The following GPATCH8 variants were observed in gnomAD, a reference collection of about 807,000 sequenced individuals.
The protein encoded by GPATCH8 is G patch domain-containing protein 8.
Under a neutral mutation model 118.3 loss-of-function variants are expected in GPATCH8, and 18 were observed. The ratio of observed to expected loss-of-function variants is 0.15; its 90% CI spans 0.11 to 0.23. The LOEUF is 0.23. Among genes scored for constraint, GPATCH8 ranks in the 10% least tolerant of loss-of-function variants. GPATCH8 has a pLI of 1.00. For missense variants in GPATCH8, 1,631 were observed against 1,873.8 expected, an observed-to-expected ratio of 0.87 and a Z score of 2.39; for synonymous variants, 659 against 684.7, an observed-to-expected ratio of 0.96 and a Z score of 0.59.
chr17:44,401,560 G>T, intron 7 of GPATCH8, 107 bp from the exon 8 acceptor site: 1 of 796,580 alleles, frequency 1.3e-6, no homozygotes. Flanking sequence ...ATTATAGGTA[G>T]GTCTCAAAGA....
chr17:44,477,674 G>C (rs1317560429), intron 1 of GPATCH8, among the ~76,000 whole-genome samples: 1 of 151,160 alleles, frequency 6.6e-6, no homozygotes, highest in Non-Finnish European at 1.5e-5. Context: ...AAATGGAATA[G>C]CAAGGGACAG....
At chr17:44,410,806 T>C (rs1376418334) in intron 6 of GPATCH8, among the ~76,000 whole-genome samples, 5 of 152,090 alleles carry the variant, frequency 3.3e-5, no homozygotes, top group Non-Finnish European at 7.4e-5. Flanking sequence ...GGGATTTCCA[T>C]TACACCTTCC....
At chr17:44,490,109 G>A (rs1969126816) in intron 1 of GPATCH8, among the ~76,000 whole-genome samples, 1 of 152,102 alleles carries the variant, frequency 6.6e-6, no homozygotes, top group East Asian at 1.9e-4. Flanking sequence ...ACCAGCTGGG[G>A]AAACACAGGG....
intron 1 of GPATCH8, among the ~76,000 whole-genome samples, chr17:44,488,607 G>A (rs1429074509): frequency 1.3e-5 from 2 of 149,122 alleles, no homozygotes; most frequent in Non-Finnish European, 3.0e-5. Context: ...CTGACCTCAG[G>A]TGATCTGCCT....
Position 44,400,717 on chromosome 17 carries a change from C to T in GPATCH8, c.1360G>A (p.Ala454Thr), listed in dbSNP as rs766497720. 3.1e-6 allele frequency: 5 copies of T among 1,612,066 alleles called. No individual in the cohort carries two copies. The highest frequency in any genetic ancestry group is 1.7e-5 in the Admixed American group (1 of 59,700). Residue 454 changes from alanine (A) to threonine (T), a missense_variant, in exon 8 of 8, where the codon GCA becomes ACA. Physicochemically the swap from Ala to Thr is moderately conservative, Grantham distance 58. Coordinates refer to ENST00000591680, the MANE Select transcript of GPATCH8 (RefSeq NM_001002909.4). ...GAGACTTCACTAACTGTCTTTTCTG[C>T]TCCTTGGCTTGCTGCCGCCTTGATG... The part of the protein sequence containing the change: ...SCIKAAASQG[A>T]EKTVSEVSEQ...
intron 6 of GPATCH8, among the ~76,000 whole-genome samples, chr17:44,422,896 C>G (rs2143886732): frequency 6.6e-6 from 1 of 152,232 alleles, no homozygotes; most frequent in African/African-American, 2.4e-5. Context: ...AAAAAAGTAA[C>G]TGCCAATACA....
chr17:44,459,665 A>G (rs2051470545), intron 3 of GPATCH8, among the ~76,000 whole-genome samples: 1 of 152,164 alleles, frequency 6.6e-6, no homozygotes, highest in Non-Finnish European at 1.5e-5. Context: ...TTAAGTATGA[A>G]AGGAGTGCAC....
chr17:44,447,542 A>C (rs569830017), intron 3 of GPATCH8, among the ~76,000 whole-genome samples: 53 of 152,224 alleles, frequency 3.5e-4, no homozygotes, highest in Non-Finnish European at 5.9e-4. Flanking sequence ...GATAATAGCT[A>C]GACACTTGTG....
intron 3 of GPATCH8, among the ~76,000 whole-genome samples, chr17:44,453,175 C>A (rs1440052718): frequency 1.3e-5 from 2 of 152,158 alleles, no homozygotes; most frequent in Non-Finnish European, 2.9e-5. Context: ...CTGCTCTGAT[C>A]AAGGTGTCTT....
intron 2 of GPATCH8, among the ~76,000 whole-genome samples, chr17:44,471,501 T>TA (rs1267956080): frequency 2.6e-5 from 4 of 150,964 alleles, no homozygotes; most frequent in Non-Finnish European, 3.0e-5. Context: ...TACCTTTGGT[T>TA]AAAAAAAAAT....
intron 6 of GPATCH8, among the ~76,000 whole-genome samples, chr17:44,413,633 A>G (rs2049535235): frequency 6.6e-6 from 1 of 151,928 alleles, no homozygotes; most frequent in East Asian, 1.9e-4. Context: ...GTGCCACCAC[A>G]CCGGGCTAAT....
At chr17:44,478,667 A>G (rs1327048213) in intron 1 of GPATCH8, among the ~76,000 whole-genome samples, 1 of 150,826 alleles carries the variant, frequency 6.6e-6, no homozygotes, top group Non-Finnish European at 1.5e-5. Flanking sequence ...TCTCAAAAAC[A>G]AAAAAAAACA....
intron 3 of GPATCH8, 25 bp from the exon 4 acceptor site, chr17:44,436,570 G>T: frequency 8.2e-7 from 1 of 1,215,716 alleles, no homozygotes; most frequent in Non-Finnish European, 1.2e-6. Context: ...CATAATCAAG[G>T]TAAGGTGCAA....
chr17:44,415,340 C>CT (rs1393485938), intron 6 of GPATCH8, among the ~76,000 whole-genome samples: 5 of 152,130 alleles, frequency 3.3e-5, no homozygotes, highest in Non-Finnish European at 5.9e-5. Context: ...ATACTTAGAA[C>CT]TGGAAGTGTT....
Position 44,418,135 on chromosome 17 carries a change from G to A in GPATCH8, c.492+6214C>T, listed in dbSNP as rs750026577. 4.6e-5 allele frequency among the ~76,000 whole-genome samples: 7 copies of A among 151,744 alleles called. No individual in the cohort carries two copies. The East Asian group carries it at 1.4e-3, about 29-fold the overall frequency. ...TACAAAGGAAGCAGCCAAAAAGAGA[G>A]AAAGAGAGAGAGAGAAGAAAAGAAA... is the stretch of plus-strand genomic sequence containing the variant. On this transcript the variant is annotated intron_variant, in intron 6 of 7. Transcript: ENST00000591680.
At chr17:44,480,023 C>G (rs368886892) in intron 1 of GPATCH8, among the ~76,000 whole-genome samples, 3 of 151,686 alleles carry the variant, frequency 2.0e-5, no homozygotes, top group Non-Finnish European at 4.4e-5. Flanking sequence ...AATCTTATTC[C>G]TTTTCAAAAA....
At chr17:44,429,348 G>T (rs935449567) in intron 5 of GPATCH8, among the ~76,000 whole-genome samples, 1 of 152,074 alleles carries the variant, frequency 6.6e-6, no homozygotes, top group Non-Finnish European at 1.5e-5. Context: ...TTATACAGAG[G>T]CTAAAGTATA....
intron 1 of GPATCH8, among the ~76,000 whole-genome samples, chr17:44,478,577 C>G (rs1048458908): frequency 6.6e-6 from 1 of 151,916 alleles, no homozygotes; most frequent in Non-Finnish European, 1.5e-5. Flanking sequence ...GCAGGAGGAT[C>G]ACTTCAGCCC....
At chr17:44,430,891 C>A (rs1189003783) in intron 5 of GPATCH8, among the ~76,000 whole-genome samples, 1 of 149,546 alleles carries the variant, frequency 6.7e-6, no homozygotes, top group East Asian at 2.0e-4. Context: ...CCTCAAGTGA[C>A]CCGCCCACCT....
Sources: gnomAD v4.1 joint callset for allele counts (sites outside exome capture counted in the v4.1 genomes callset) on GRCh38, gnomAD v4.1.1 for gene constraint, MANE v1.5 for transcripts, NCBI Gene and HGNC (gene_info 2026-07-23, HGNC 2026-07-21) for gene names.